CDH12: variants seen among roughly 807,000 people sequenced by gnomAD.
CDH12 encodes cadherin 12, also known as cadherin-12.
CDH12 carries 41 observed loss-of-function variants against 74.1 expected under a neutral mutation model. The ratio of observed to expected loss-of-function variants is 0.55; its 90% CI spans 0.43 to 0.72. CDH12 has a LOEUF of 0.72. Among genes scored for constraint, CDH12 ranks in the 30% least tolerant of loss-of-function variants. CDH12 has a pLI of 0.00. For missense variants in CDH12, 945 were observed against 977.2 expected, an observed-to-expected ratio of 0.97 and a Z score of 0.44; for synonymous variants, 399 against 355.0, an observed-to-expected ratio of 1.12 and a Z score of -1.39.
At chr5:21,832,213 T>C (rs1463825236) in intron 8 of CDH12, among the ~76,000 whole-genome samples, 3 of 152,164 alleles carry the variant, frequency 2.0e-5, no homozygotes, top group Non-Finnish European at 4.4e-5. Flanking sequence ...CATGTTGCAA[T>C]CTTTGTCCTT....
chr5:22,650,148 C>T (rs1285755565), intron 1 of CDH12, among the ~76,000 whole-genome samples: 1 of 151,796 alleles, frequency 6.6e-6, no homozygotes, highest in Non-Finnish European at 1.5e-5. Flanking sequence ...GCCTATATAA[C>T]AAAATTGTAA....
intron 4 of CDH12, among the ~76,000 whole-genome samples, chr5:22,188,554 T>C (rs1452722832): frequency 6.6e-5 from 10 of 152,130 alleles, no homozygotes; most frequent in Admixed American, 2.6e-4. Flanking sequence ...CAAATAGAAA[T>C]GGAGAAAATA....
chr5:22,529,864 T>C (rs1419216843), intron 1 of CDH12, among the ~76,000 whole-genome samples: 5 of 152,156 alleles, frequency 3.3e-5, no homozygotes, highest in African/African-American at 9.7e-5. Context: ...GGGCAACAGA[T>C]GTTCAGCATG....
chr5:21,890,240 C>A (rs529422132), intron 6 of CDH12, among the ~76,000 whole-genome samples: 1 of 152,192 alleles, frequency 6.6e-6, no homozygotes, highest in African/African-American at 2.4e-5. Context: ...TCCCTATCCT[C>A]AGCACCCAGC....
chr5:22,360,570 C>T (rs560871179), intron 3 of CDH12, among the ~76,000 whole-genome samples: 61 of 152,278 alleles, frequency 4.0e-4, no homozygotes, highest in African/African-American at 1.4e-3. Context: ...TCCTCCCTAA[C>T]TCATTTTATG....
intron 1 of CDH12, among the ~76,000 whole-genome samples, chr5:22,681,865 A>T (rs1741510630): frequency 6.6e-6 from 1 of 152,046 alleles, no homozygotes; most frequent in South Asian, 2.1e-4. Context: ...TGCATATTTC[A>T]CTATGAAATA....
intron 1 of CDH12, among the ~76,000 whole-genome samples, chr5:22,591,982 A>T (rs1218413955): frequency 6.6e-6 from 1 of 152,162 alleles, no homozygotes; most frequent in African/African-American, 2.4e-5. Flanking sequence ...GTGAACCCTA[A>T]GTCATGCCTT....
chr5:22,312,900 A>T (rs548243077), intron 3 of CDH12, among the ~76,000 whole-genome samples: 2 of 152,366 alleles, frequency 1.3e-5, no homozygotes, highest in South Asian at 4.1e-4. Context: ...AATGCCTCAG[A>T]GATGGCTTCT....
intron 10 of CDH12, among the ~76,000 whole-genome samples, chr5:21,783,866 C>T (rs1272922818): frequency 7.9e-5 from 12 of 152,012 alleles, no homozygotes; most frequent in Non-Finnish European, 1.2e-4. Flanking sequence ...GAGAGAAGCA[C>T]TGGAAACAAC....
At chr5:21,945,873 A>G (rs1425847621) in intron 6 of CDH12, among the ~76,000 whole-genome samples, 2 of 152,172 alleles carry the variant, frequency 1.3e-5, no homozygotes, top group African/African-American at 2.4e-5. Flanking sequence ...AACTATTAAA[A>G]AATAATGACT....
intron 7 of CDH12, among the ~76,000 whole-genome samples, chr5:21,850,526 A>T (rs1174623817): frequency 6.6e-6 from 1 of 151,646 alleles, no homozygotes; most frequent in Non-Finnish European, 1.5e-5. Flanking sequence ...ATATAGAGTT[A>T]TTGGCCCAAG....
At chr5:22,307,030 G>C (rs1380808892) in intron 3 of CDH12, among the ~76,000 whole-genome samples, 1 of 152,124 alleles carries the variant, frequency 6.6e-6, no homozygotes, top group Non-Finnish European at 1.5e-5. Context: ...TTTTAGAGTG[G>C]ATCTAGCATC....
chr5:21,993,892 T>C (rs553937020), intron 5 of CDH12, among the ~76,000 whole-genome samples: 31 of 152,326 alleles, frequency 2.0e-4, no homozygotes, highest in African/African-American at 7.2e-4. Flanking sequence ...TTTGCATTAC[T>C]TCATTTAAAA....
chr5:22,661,443 ATT>A (rs1436934356), intron 1 of CDH12, among the ~76,000 whole-genome samples: 1 of 152,188 alleles, frequency 6.6e-6, no homozygotes, highest in Non-Finnish European at 1.5e-5. Flanking sequence ...AAATAAACAT[ATT>A]CTTTCTGCGT....
chr5:22,299,027 T>C (rs569591737), intron 3 of CDH12, among the ~76,000 whole-genome samples: 1 of 152,262 alleles, frequency 6.6e-6, no homozygotes, highest in Admixed American at 6.5e-5. Flanking sequence ...GTTAATAAAA[T>C]GGAAACCTTA....
intron 1 of CDH12, among the ~76,000 whole-genome samples, chr5:22,544,133 T>C (rs529767235): frequency 0.018 from 2,736 of 148,728 alleles, 33 homozygotes; most frequent in Non-Finnish European, 0.028. Context: ...CATCATTTAC[T>C]TTTTTTTTTA....
chr5:21,779,841 A>T (rs2149894145), intron 11 of CDH12, among the ~76,000 whole-genome samples: 1 of 152,356 alleles, frequency 6.6e-6, no homozygotes, highest in East Asian at 1.9e-4. Flanking sequence ...GAATATGAAT[A>T]AAGTTTACTT....
chr5:22,446,584 T>A (rs1027918092), intron 2 of CDH12, among the ~76,000 whole-genome samples: 7 of 152,222 alleles, frequency 4.6e-5, no homozygotes, highest in Non-Finnish European at 1.0e-4. Context: ...AAGATCTTTT[T>A]TGATGCATGA....
At chr5:21,827,440 G>A (rs1200484266) in intron 8 of CDH12, among the ~76,000 whole-genome samples, 1 of 151,984 alleles carries the variant, frequency 6.6e-6, no homozygotes, top group Non-Finnish European at 1.5e-5. Context: ...AGAGGATAGG[G>A]CACTAAACAT....
Sources: allele counts gnomAD v4.1 joint callset (sites outside exome capture counted in the v4.1 genomes callset), GRCh38; gene constraint gnomAD v4.1.1; transcripts MANE v1.5; gene names NCBI Gene and HGNC (gene_info 2026-07-23, HGNC 2026-07-21).